TESC: variants seen among roughly 807,000 people sequenced by gnomAD.
The protein encoded by TESC is calcineurin B homologous protein 3.
A neutral mutation model predicts 31.0 loss-of-function variants in TESC; 19 were observed. The observed-to-expected ratio is 0.61, with a 90% CI of 0.43 to 0.90. The LOEUF is 0.90. Among genes scored for constraint, TESC ranks in the 40% least tolerant of loss-of-function variants. The probability of loss-of-function intolerance (pLI) is 0.00; values close to 1 mark genes in which losing one functional copy is unlikely to be tolerated. For missense variants in TESC, 248 were observed against 303.8 expected (o/e 0.82, Z 1.36); for synonymous variants, 109 against 114.8 (o/e 0.95, Z 0.32).
intron 1 of TESC, among the ~76,000 whole-genome samples, chr12:117,087,772 G>T (rs1955238344): frequency 6.6e-6 from 1 of 152,238 alleles, no homozygotes; most frequent in South Asian, 2.1e-4. Context: ...GAACCTGGGA[G>T]GTGGAGGTTG....
At chr12:117,050,129 A>T (rs886905587) in intron 3 of TESC, among the ~76,000 whole-genome samples, 7 of 151,982 alleles carry the variant, frequency 4.6e-5, no homozygotes, top group African/African-American at 1.7e-4. Flanking sequence ...ATAGTTGAAA[A>T]AATGCTTGCC....
intron 2 of TESC, among the ~76,000 whole-genome samples, chr12:117,062,335 C>T (rs1207205132): frequency 1.3e-5 from 2 of 152,048 alleles, no homozygotes; most frequent in Admixed American, 6.6e-5. Context: ...GATTCTTGTA[C>T]CTCAGCCACC....
At chr12:117,039,510 C>A (rs1177147511) in intron 7 of TESC, among the ~76,000 whole-genome samples, 4 of 152,308 alleles carry the variant, frequency 2.6e-5, no homozygotes, top group African/African-American at 9.6e-5. Flanking sequence ...TTGAATCTCA[C>A]CCACCACTTC....
intron 2 of TESC, among the ~76,000 whole-genome samples, chr12:117,065,164 G>T (rs1304237482): frequency 6.6e-6 from 1 of 152,188 alleles, no homozygotes; most frequent in Non-Finnish European, 1.5e-5. Context: ...AGTCTCATAG[G>T]ACCCTCCCAC....
intron 2 of TESC, among the ~76,000 whole-genome samples, chr12:117,064,986 G>C (rs1954855238): frequency 6.6e-6 from 1 of 152,258 alleles, no homozygotes; most frequent in South Asian, 2.1e-4. Flanking sequence ...GCATGAGCTA[G>C]AGCCCTGGGG....
intron 1 of TESC, among the ~76,000 whole-genome samples, chr12:117,076,269 T>C (rs777417370): frequency 6.6e-6 from 1 of 151,814 alleles, no homozygotes; most frequent in Non-Finnish European, 1.5e-5. Flanking sequence ...TTGGACATGA[T>C]CTGGGAAACC....
At chr12:117,056,368 T>TTTTCA (rs1954724551) in intron 3 of TESC, among the ~76,000 whole-genome samples, 1 of 138,294 alleles carries the variant, frequency 7.2e-6, no homozygotes, top group African/African-American at 3.0e-5. Flanking sequence ...TAAATTTTCT[T>TTTTCA]TTTTAAAAAG....
At chr12:117,090,376 A>G (rs1225059861) in intron 1 of TESC, among the ~76,000 whole-genome samples, 1 of 152,228 alleles carries the variant, frequency 6.6e-6, no homozygotes, top group Non-Finnish European at 1.5e-5. Flanking sequence ...CATATAAAAA[A>G]TGAAATGAAT....
At chr12:117,042,453 A>T (rs1160991733) in intron 6 of TESC, among the ~76,000 whole-genome samples, 2 of 152,222 alleles carry the variant, frequency 1.3e-5, no homozygotes, top group African/African-American at 4.8e-5. Context: ...GCTGATAAGA[A>T]GATTCCAGGC....
In TESC at chr12:117,075,955, A is replaced by ATATGTATG. The variant is rs1565971812; in HGVS notation, c.59-616_59-615insCATACATA. ...TATATATATATGTATATATACATAT[A>ATATGTATG]TATATATATATGTATGTATATATAT... On this transcript the variant is annotated intron_variant, in intron 1 of 7. Transcript: ENST00000335209. Among the ~76,000 whole-genome samples, 38 of 119,304 alleles carry ATATGTATG rather than the reference A, an allele frequency of 3.2e-4. 2 individuals are homozygous for ATATGTATG. Among genetic ancestry groups the ATATGTATG allele is most frequent in the African/African-American group, 1.4e-3 (36 of 25,646 alleles). The allele number at this position is 119,304 out of a possible 152,430, so 78.3% of individuals were successfully genotyped here. A position where few individuals can be genotyped will look rare whatever the true frequency, so the allele number is the denominator to read the frequency against.
In TESC at chr12:117,039,142, G is replaced by C. The variant is rs1294798203; in HGVS notation, c.636C>G (p.Leu212=). ...CGGAGGTGGCGGTGGGTCAGTGGCAGAGGGCCATGGTTTCCATGTTAAGGA... is the reference window on the plus strand; with the variant it reads ...CGGAGGTGGCGGTGGGTCAGTGGCACAGGGCCATGGTTTCCATGTTAAGGA... ...VRFLNMETMA[L]CH The change falls in exon 8 of 8, where the codon CTC becomes CTG. Residue 212 remains leucine, a synonymous_variant. Transcript: ENST00000335209. The C allele has an allele frequency of 6.2e-7, 1 of 1,614,072 alleles. No homozygotes were observed. The highest frequency in any genetic ancestry group is 2.2e-5 in the East Asian group (1 of 44,862).
chr12:117,066,200 C>CTTTTTTTTTTTTTTT lies in TESC; in HGVS notation c.128+9056_128+9070dup. 3.4e-3 allele frequency among the ~76,000 whole-genome samples: 217 copies of CTTTTTTTTTTTTTTT among 62,982 alleles called. 29 individuals carry two copies. The highest frequency in any genetic ancestry group is 6.7e-3 in the African/African-American group (79 of 11,752). The allele number at this position is 62,982 out of a possible 152,430, so 41.3% of individuals were successfully genotyped here. ...TGTCTGCCCTGTTTCCTTCCTTTAG[C>CTTTTTTTTTTTTTTT]TTTTTTTTTTTTTTTTTTTTTTTTG... On this transcript the variant is annotated intron_variant, in intron 2 of 7. Coordinates refer to ENST00000335209, the MANE Select transcript of TESC (RefSeq NM_017899.4).
chr12:117,068,137 T>C (rs974346011), intron 2 of TESC, among the ~76,000 whole-genome samples: 1 of 152,108 alleles, frequency 6.6e-6, no homozygotes, highest in Non-Finnish European at 1.5e-5. Flanking sequence ...CAAGCAATCC[T>C]TCCACCTCGG....
intron 1 of TESC, among the ~76,000 whole-genome samples, chr12:117,075,911 ATATGTG>A (rs1565971630): frequency 3.4e-5 from 2 of 59,048 alleles, no homozygotes; most frequent in East Asian, 4.6e-4. Flanking sequence ...ATATATATAT[ATATGTG>A]TGTGTGTATA....
chr12:117,097,697 A>T (rs1955414031), intron 1 of TESC, among the ~76,000 whole-genome samples: 1 of 152,108 alleles, frequency 6.6e-6, no homozygotes, highest in African/African-American at 2.4e-5. Context: ...GAACATATAA[A>T]AACGTTTACG....
At chr12:117,059,822 C>A (rs1954776715) in intron 2 of TESC, among the ~76,000 whole-genome samples, 1 of 152,074 alleles carries the variant, frequency 6.6e-6, no homozygotes, top group African/African-American at 2.4e-5. Context: ...AAACTCCTGA[C>A]CTCAGGTAAT....
At chr12:117,054,646 G>T (rs1032530569) in intron 3 of TESC, among the ~76,000 whole-genome samples, 2 of 152,284 alleles carry the variant, frequency 1.3e-5, no homozygotes, top group African/African-American at 4.8e-5. Flanking sequence ...CCCGTGAGCA[G>T]CACCCCAGTT....
At chr12:117,061,339 TTGTC>T (rs1017482650) in intron 2 of TESC, among the ~76,000 whole-genome samples, 4 of 152,038 alleles carry the variant, frequency 2.6e-5, no homozygotes, top group African/African-American at 9.7e-5. Flanking sequence ...GCTTCCCTCT[TTGTC>T]TGGCCCATCC....
At position 117,038,972 on chromosome 12, in the gene TESC, G is replaced by A; in HGVS notation, c.*161C>T. On this transcript the variant is annotated 3_prime_UTR_variant, in exon 8 of 8. Transcript: ENST00000335209. ...TTTTATTGGAGATAAAAACAGCGAA[G>A]TCCCACATACCATACCCTACAAGAC... The A allele has an allele frequency of 6.9e-6, 4 of 576,346 alleles. No individual in the cohort carries two copies. The highest frequency in any genetic ancestry group is 3.3e-5 in the Admixed American group (1 of 30,750). 35.7% of individuals were successfully genotyped at this position (576,346 alleles called of 1,614,324 possible).
Sources: allele counts gnomAD v4.1 joint callset (sites outside exome capture counted in the v4.1 genomes callset), GRCh38; gene constraint gnomAD v4.1.1; transcripts MANE v1.5; gene names NCBI Gene and HGNC (gene_info 2026-07-23, HGNC 2026-07-21).